The following IL18R1 variants were observed in gnomAD, a reference collection of about 807,000 sequenced individuals.
The protein encoded by IL18R1 is interleukin-18 receptor 1.
In IL18R1, 40 loss-of-function variants were observed where a neutral mutation model predicts 48.5. That is an observed-to-expected ratio of 0.82 (90% CI 0.64 to 1.07). The LOEUF is 1.07. Ranked by LOEUF, IL18R1 falls within the 50% of genes least tolerant of loss-of-function variation. The pLI is 0.00. For missense variants in IL18R1, 596 were observed against 633.7 expected (o/e 0.94, Z 0.64); for synonymous variants, 232 against 225.9 (o/e 1.03, Z -0.24).
chr2:102,382,721 A>T (rs1010633255), intron 6 of IL18R1, among the ~76,000 whole-genome samples: 2 of 152,188 alleles, frequency 1.3e-5, no homozygotes, highest in Admixed American at 6.5e-5. Context: ...TTATAACCAC[A>T]GTTGGGGTCA....
chr2:102,387,339 G>T (rs1680295028), intron 8 of IL18R1, among the ~76,000 whole-genome samples: 1 of 152,184 alleles, frequency 6.6e-6, no homozygotes, highest in Non-Finnish European at 1.5e-5. Flanking sequence ...CAGCCAGAGG[G>T]GAGTTTGCAG....
chr2:102,378,859 C>T (rs79658044), intron 5 of IL18R1, among the ~76,000 whole-genome samples: 1,691 of 152,286 alleles, frequency 0.011, 31 homozygotes, highest in African/African-American at 0.037. Flanking sequence ...AAGTTTGCCA[C>T]GAGTCTACAG....
In IL18R1 at chr2:102,396,868, T is replaced by A. The variant is rs755132107; in HGVS notation, c.1608T>A (p.Pro536=). The change falls in exon 11 of 11, where the codon CCT becomes CCA. Residue 536 remains proline (P), a synonymous_variant. Transcript: ENST00000233957. Reference sequence around the variant, plus strand: ...GTAGAGACGAACCGGAAGTCTTGCCTGTTCTTTCCGAGTCTTAATCTTCAG... The same window carrying A: ...GTAGAGACGAACCGGAAGTCTTGCCAGTTCTTTCCGAGTCTTAATCTTCAG... The part of the protein sequence containing the change: ...KPGRDEPEVL[P]VLSES 6.3e-7 allele frequency: 1 copy of A among 1,587,262 alleles called. No individual in the cohort carries two copies. Among genetic ancestry groups the A allele is most frequent in the Non-Finnish European group, 8.5e-7 (1 of 1,170,834 alleles).
intron 2 of IL18R1, among the ~76,000 whole-genome samples, chr2:102,364,189 G>A (rs1412146411): frequency 6.6e-6 from 1 of 152,202 alleles, no homozygotes; most frequent in Non-Finnish European, 1.5e-5. Context: ...ACAGTCATAT[G>A]TGTTTATAGA....
At chr2:102,395,927 G>T (rs967712620) in intron 10 of IL18R1, among the ~76,000 whole-genome samples, 7 of 152,178 alleles carry the variant, frequency 4.6e-5, no homozygotes, top group Admixed American at 4.6e-4. Context: ...ACAGAACTGA[G>T]TAGTTGTGAC....
At chr2:102,373,856 T>G (rs1381912678) in intron 4 of IL18R1, 10 of 321,576 alleles carry the variant, frequency 3.1e-5, no homozygotes, top group Non-Finnish European at 4.4e-5. Context: ...TTGTGAACTG[T>G]GCATGCGAGG....
Position 102,398,515 on chromosome 2 carries a change from G to C in IL18R1, c.*1629G>C, listed in dbSNP as rs1274723309. On this transcript the variant is annotated 3_prime_UTR_variant, in exon 11 of 11. Coordinates refer to ENST00000233957, the MANE Select transcript of IL18R1 (RefSeq NM_003855.5). ...TGTGTACCAACTGGATGACTAAAAA[G>C]AGTAAAATAATTTAATTAATAGCTC... The C allele has an allele frequency of 6.6e-6, 1 of 152,252 alleles. No individual in the cohort carries two copies. The highest frequency in any genetic ancestry group is 1.5e-5 in the Non-Finnish European group (1 of 68,026). 9.4% of individuals were successfully genotyped at this position (152,252 alleles called of 1,614,324 possible).
intron 1 of IL18R1, among the ~76,000 whole-genome samples, chr2:102,359,046 C>T (rs1256404871): frequency 6.6e-6 from 1 of 151,932 alleles, no homozygotes; most frequent in African/African-American, 2.4e-5. Flanking sequence ...CGTGTGTGTG[C>T]ATGTGCATGT....
intron 9 of IL18R1, among the ~76,000 whole-genome samples, chr2:102,392,737 G>C (rs1402062091): frequency 6.6e-6 from 1 of 152,118 alleles, no homozygotes; most frequent in Non-Finnish European, 1.5e-5. Context: ...ACCAAGCATA[G>C]TTTGAGGAAC....
intron 4 of IL18R1, among the ~76,000 whole-genome samples, chr2:102,373,541 C>T (rs918941179): frequency 1.6e-4 from 24 of 151,966 alleles, no homozygotes; most frequent in African/African-American, 5.8e-4. Context: ...CAGCAAACCA[C>T]CATGGCACGT....
At chr2:102,383,551 C>T (rs1443541184) in intron 6 of IL18R1, among the ~76,000 whole-genome samples, 2 of 152,124 alleles carry the variant, frequency 1.3e-5, no homozygotes, top group African/African-American at 4.8e-5. Context: ...ATAACACTTC[C>T]TCTCTCAATG....
chr2:102,397,664 A>T lies in IL18R1; in HGVS notation c.*778A>T, dbSNP rs1680892761. On this transcript the variant is annotated 3_prime_UTR_variant, in exon 11 of 11. Coordinates refer to ENST00000233957, the MANE Select transcript of IL18R1 (RefSeq NM_003855.5). ...TTGATTTTGTGTGAATGTTTATATCAAAATGTTTGCCAGGTTGTATTAGCC... is the reference window on the plus strand; with the variant it reads ...TTGATTTTGTGTGAATGTTTATATCTAAATGTTTGCCAGGTTGTATTAGCC... 1 of 152,380 alleles carries T rather than the reference A, an allele frequency of 6.6e-6. No homozygotes were observed. The highest frequency in any genetic ancestry group is 1.5e-5 in the Non-Finnish European group (1 of 68,042). The allele number at this position is 152,380 out of a possible 1,614,324, so 9.4% of individuals were successfully genotyped here.
At chr2:102,372,201 G>T in intron 4 of IL18R1, 83 bp downstream of exon 4, 2 of 1,162,966 alleles carry the variant, frequency 1.7e-6, no homozygotes, top group Admixed American at 2.9e-5. Context: ...CTACCATTCT[G>T]GTCTCATAAC....
At chr2:102,378,912 T>C (rs765079103) in intron 5 of IL18R1, among the ~76,000 whole-genome samples, 2 of 152,244 alleles carry the variant, frequency 1.3e-5, no homozygotes, top group Non-Finnish European at 2.9e-5. Flanking sequence ...GGAGGTGTTC[T>C]GACCTGTGTT....
At chr2:102,374,292 A>G (rs1679444749) in intron 4 of IL18R1, among the ~76,000 whole-genome samples, 2 of 152,350 alleles carry the variant, frequency 1.3e-5, no homozygotes, top group East Asian at 3.9e-4. Context: ...GAAGCGAGTG[A>G]TGATAATATC....
chr2:102,377,654 T>C (rs1466755562), intron 5 of IL18R1, among the ~76,000 whole-genome samples: 1 of 152,252 alleles, frequency 6.6e-6, no homozygotes, highest in Non-Finnish European at 1.5e-5. Context: ...CTCCAGCTTC[T>C]AGAGACCACT....
At chr2:102,389,964 G>A in intron 8 of IL18R1, 92 bp from the exon 9 acceptor site, 1 of 1,233,706 alleles carries the variant, frequency 8.1e-7, no homozygotes, top group Non-Finnish European at 1.2e-6. Context: ...CTGCATTAGT[G>A]TTAGCAGTAA....
At chr2:102,363,906 T>C (rs1355179444) in intron 2 of IL18R1, among the ~76,000 whole-genome samples, 1 of 152,228 alleles carries the variant, frequency 6.6e-6, no homozygotes, top group Non-Finnish European at 1.5e-5. Context: ...ACTGTGTTTA[T>C]GGAACAATAG....
At chr2:102,377,809 A>G (rs1573209174) in intron 5 of IL18R1, among the ~76,000 whole-genome samples, 1 of 152,118 alleles carries the variant, frequency 6.6e-6, no homozygotes, top group Admixed American at 6.6e-5. Flanking sequence ...ATCCAGGGTG[A>G]TCCCCCTATC....
Sources: allele counts gnomAD v4.1 joint callset (sites outside exome capture counted in the v4.1 genomes callset), GRCh38; gene constraint gnomAD v4.1.1; transcripts MANE v1.5; gene names NCBI Gene and HGNC (gene_info 2026-07-23, HGNC 2026-07-21).